ASPH: variants seen among roughly 807,000 people sequenced by gnomAD.
ASPH encodes aspartyl/asparaginyl beta-hydroxylase.
A neutral mutation model predicts 118.4 loss-of-function variants in ASPH; 100 were observed. That is an observed-to-expected ratio of 0.84 (90% CI 0.72 to 1.00). The LOEUF (loss-of-function observed/expected upper bound fraction) is 1.00. Ranked by LOEUF, ASPH falls within the 50% of genes least tolerant of loss-of-function variation. The pLI is 0.00. For synonymous variants in ASPH, 315 were observed against 325.6 expected, an observed-to-expected ratio of 0.97 and a Z score of 0.35; for missense variants, 920 against 919.5, an observed-to-expected ratio of 1.00 and a Z score of -0.01.
At chr8:61,659,610 A>G (rs532540554) in intron 3 of ASPH, 2 of 152,372 alleles carry the variant, frequency 1.3e-5, no homozygotes, top group South Asian at 4.1e-4. Flanking sequence ...GGTAAAAACG[A>G]TAGCCAAGGA....
chr8:61,699,233 G>A (rs1397393606), intron 1 of ASPH, among the ~76,000 whole-genome samples: 7 of 152,292 alleles, frequency 4.6e-5, no homozygotes, highest in East Asian at 3.9e-4. Context: ...CCCTAACAGC[G>A]GCCTTCACCC....
At chr8:61,670,277 T>A (rs1821776271) in intron 3 of ASPH, among the ~76,000 whole-genome samples, 1 of 151,604 alleles carries the variant, frequency 6.6e-6, no homozygotes, top group Non-Finnish European at 1.5e-5. Context: ...TGAAATTAAA[T>A]TTTTTAAAAA....
At chr8:61,567,062 C>T in intron 17 of ASPH, 106 bp downstream of exon 17, 1 of 1,363,948 alleles carries the variant, frequency 7.3e-7, no homozygotes, top group South Asian at 1.5e-5. Flanking sequence ...TTGTAAAACT[C>T]AGGTTTTCTC....
intron 13 of ASPH, among the ~76,000 whole-genome samples, chr8:61,619,524 T>C (rs1850165888): frequency 6.6e-6 from 1 of 152,180 alleles, no homozygotes; most frequent in South Asian, 2.1e-4. Context: ...TTGGGGGAGC[T>C]TGTGCTGAAG....
intron 24 of ASPH, among the ~76,000 whole-genome samples, chr8:61,505,869 T>C (rs1410457914): frequency 6.6e-6 from 1 of 152,084 alleles, no homozygotes; most frequent in Non-Finnish European, 1.5e-5. Flanking sequence ...GAAAAATCAG[T>C]GAAACAGTCC....
chr8:61,592,540 A>G (rs578157976), intron 14 of ASPH, among the ~76,000 whole-genome samples: 1 of 152,354 alleles, frequency 6.6e-6, no homozygotes, highest in African/African-American at 2.4e-5. Context: ...AAAATATTAA[A>G]TACTGCTTTT....
At chr8:61,590,641 A>T (rs939834935) in intron 14 of ASPH, among the ~76,000 whole-genome samples, 18 of 151,878 alleles carry the variant, frequency 1.2e-4, no homozygotes, top group Admixed American at 2.6e-4. Flanking sequence ...AAGGAAAATA[A>T]TGTGCATCTT....
At chr8:61,570,182 A>G (rs765295336) in intron 16 of ASPH, among the ~76,000 whole-genome samples, 5 of 152,206 alleles carry the variant, frequency 3.3e-5, no homozygotes, top group Non-Finnish European at 7.4e-5. Context: ...ATCAGCCTAC[A>G]TTTGTGCAAA....
chr8:61,708,445 C>T (rs1434859103), intron 1 of ASPH, among the ~76,000 whole-genome samples: 2 of 152,106 alleles, frequency 1.3e-5, no homozygotes, highest in African/African-American at 4.8e-5. Context: ...ATAAAATTTA[C>T]AAGTGAAACT....
At chr8:61,663,874 G>A in intron 3 of ASPH, 1 of 956,472 alleles carries the variant, frequency 1.0e-6, no homozygotes, top group Non-Finnish European at 1.2e-6. Context: ...TAAGAAAAAG[G>A]TGTACAATAC....
chr8:61,590,041 T>G (rs1840622356), intron 14 of ASPH, among the ~76,000 whole-genome samples: 1 of 152,130 alleles, frequency 6.6e-6, no homozygotes, highest in South Asian at 2.1e-4. Context: ...TTTTTTTGTT[T>G]GTTTTTTGGT....
At chr8:61,564,043 G>A (rs889327874) in intron 17 of ASPH, among the ~76,000 whole-genome samples, 1 of 152,322 alleles carries the variant, frequency 6.6e-6, no homozygotes, top group Non-Finnish European at 1.5e-5. Context: ...TGCTGTGGAA[G>A]AGGCAGTCAC....
At position 61,714,457 on chromosome 8, in the gene ASPH, G is replaced by A. The variant is rs1008751613; in HGVS notation, c.-86C>T. The A allele has an allele frequency of 1.5e-6, 2 of 1,363,334 alleles. No homozygotes were observed. Among genetic ancestry groups the A allele is most frequent in the Non-Finnish European group, 1.9e-6 (2 of 1,059,360 alleles). The allele number at this position is 1,363,334 out of a possible 1,614,324, so 84.5% of individuals were successfully genotyped here. On this transcript the variant is annotated 5_prime_UTR_variant, in exon 1 of 25. Coordinates refer to ENST00000379454, the MANE Select transcript of ASPH (RefSeq NM_004318.4). ...ACGCGACGCGGGAACCGCTGGCGGC[G>A]GCGGGCCGCTGGAGCGGGTTCGGGC...
chr8:61,626,280 T>A (rs776772629), intron 13 of ASPH: 21 of 1,564,276 alleles, frequency 1.3e-5, no homozygotes, highest in Non-Finnish European at 1.7e-5. Flanking sequence ...GCTTTAAGTA[T>A]CTGCAAAAAT....
At chr8:61,579,971 A>G (rs1054925538) in intron 15 of ASPH, among the ~76,000 whole-genome samples, 1 of 150,904 alleles carries the variant, frequency 6.6e-6, no homozygotes, top group African/African-American at 2.4e-5. Context: ...TTCAAGTTCC[A>G]TGCAAGTCTA....
intron 1 of ASPH, among the ~76,000 whole-genome samples, chr8:61,692,256 AC>A (rs1832819586): frequency 6.6e-6 from 1 of 152,268 alleles, no homozygotes; most frequent in South Asian, 2.1e-4. Flanking sequence ...CTATCATAAC[AC>A]TTTTTAAAGA....
In ASPH at chr8:61,550,035, A is replaced by C. The variant is rs190196191; in HGVS notation, c.1627-1827T>G. On this transcript the variant is annotated intron_variant, in intron 20 of 24. Transcript: ENST00000379454. ...AGTAATCCTGCATCAAGTAGGACTC[A>C]ATTTTTCACTCTCCTGTCATATAAA... Among the ~76,000 whole-genome samples the C allele has an allele frequency of 3.9e-5, 6 of 152,286 alleles. No individual in the cohort carries two copies. The East Asian group carries it at 1.2e-3, about 29-fold the overall frequency.
intron 16 of ASPH, among the ~76,000 whole-genome samples, chr8:61,572,918 A>C (rs575596162): frequency 6.6e-6 from 1 of 152,222 alleles, no homozygotes. Flanking sequence ...GAGGAAGTCA[A>C]ATTGTCTCTG....
chr8:61,578,404 G>T, intron 15 of ASPH: 1 of 1,604,218 alleles, frequency 6.2e-7, no homozygotes, highest in Non-Finnish European at 8.5e-7. Context: ...GGCATGGGAG[G>T]CATCACCGCA....
Sources: gnomAD v4.1 joint callset for allele counts (sites outside exome capture counted in the v4.1 genomes callset) on GRCh38, gnomAD v4.1.1 for gene constraint, MANE v1.5 for transcripts, NCBI Gene and HGNC (gene_info 2026-07-23, HGNC 2026-07-21) for gene names.